SMARCA4: variants seen among roughly 807,000 people sequenced by gnomAD.
SMARCA4 encodes the protein SWI/SNF related BAF chromatin remodeling complex subunit ATPase 4.
In SMARCA4, 31 loss-of-function variants were observed where a neutral mutation model predicts 193.9. That is an observed-to-expected ratio of 0.16 (90% CI 0.12 to 0.22). SMARCA4 has a LOEUF of 0.22. Ranked by LOEUF, SMARCA4 falls within the 10% of genes least tolerant of loss-of-function variation. SMARCA4 has a pLI of 1.00. For synonymous variants in SMARCA4, 942 were observed against 933.1 expected, an observed-to-expected ratio of 1.01 and a Z score of -0.17; for missense variants, 1,148 against 2,296.0, an observed-to-expected ratio of 0.50 and a Z score of 10.22.
chr19:11,052,450 G>T (rs2076313922), intron 30 of SMARCA4, among the ~76,000 whole-genome samples: 1 of 152,200 alleles, frequency 6.6e-6, no homozygotes, highest in East Asian at 1.9e-4. Context: ...GCTCCAGGGG[G>T]TGTGAAGGAG....
At chr19:11,025,396 T>G (rs1185556886) in intron 21 of SMARCA4, 26 bp from the exon 22 acceptor site, 8 of 1,571,842 alleles carry the variant, frequency 5.1e-6, no homozygotes, top group Non-Finnish European at 7.0e-6. Context: ...AAGACCCCAT[T>G]TGGGTCCCTC....
At chr19:10,989,254 C>G (rs1402269110) in intron 6 of SMARCA4, 63 bp from the exon 7 acceptor site, 2 of 1,607,394 alleles carry the variant, frequency 1.2e-6, no homozygotes, top group African/African-American at 1.3e-5. Flanking sequence ...CCCTGCAGCT[C>G]CAGCTGTAAC....
chr19:11,054,063 C>T lies in SMARCA4; in HGVS notation c.4425-4192C>T, dbSNP rs1164775129. On this transcript the variant is annotated intron_variant, in intron 30 of 34. Transcript: ENST00000344626. ...TGTGAAACAGTGCTTGGCTTCTCTGCACAACAAGGAAACGTGTTTAGGGCC... is the reference window on the plus strand; with the variant it reads ...TGTGAAACAGTGCTTGGCTTCTCTGTACAACAAGGAAACGTGTTTAGGGCC... 3.3e-5 allele frequency among the ~76,000 whole-genome samples: 5 copies of T among 152,342 alleles called. No homozygotes were observed. In the East Asian group the frequency reaches 9.6e-4, roughly 29 times the overall value.
chr19:11,013,916 C>T (rs138715964), intron 16 of SMARCA4, among the ~76,000 whole-genome samples: 1 of 152,160 alleles, frequency 6.6e-6, no homozygotes, highest in African/African-American at 2.4e-5. Flanking sequence ...ACAGAGTCCG[C>T]CCCCCTGCCC....
intron 30 of SMARCA4, among the ~76,000 whole-genome samples, chr19:11,051,901 G>A (rs890246524): frequency 6.6e-6 from 1 of 152,086 alleles, no homozygotes. Flanking sequence ...TTCAAGACCA[G>A]CCTGACCAAG....
chr19:11,055,495 GT>G (rs963909174), intron 30 of SMARCA4, among the ~76,000 whole-genome samples: 7 of 148,976 alleles, frequency 4.7e-5, no homozygotes, highest in Admixed American at 6.7e-5. Flanking sequence ...GCCGCACCTT[GT>G]TTTTTTTTTG....
intron 25 of SMARCA4, chr19:11,032,608 A>C (rs2075001046): frequency 6.5e-6 from 1 of 152,762 alleles, no homozygotes; most frequent in South Asian, 2.1e-4. Flanking sequence ...CAGAGGTTGC[A>C]GTGAGCTGAG....
At chr19:11,027,610 G>C in intron 23 of SMARCA4, 174 bp from the exon 24 acceptor site, 1 of 727,834 alleles carries the variant, frequency 1.4e-6, no homozygotes, top group South Asian at 1.5e-5. Context: ...ATTTCAGTTG[G>C]GGGAAATGGC....
intron 1 of SMARCA4, among the ~76,000 whole-genome samples, chr19:10,976,567 G>A (rs1043075735): frequency 3.9e-5 from 6 of 152,002 alleles, no homozygotes; most frequent in Admixed American, 1.3e-4. Context: ...ACCAGCCTGG[G>A]CAACACGGCG....
chr19:11,061,786 C>T lies in SMARCA4; in HGVS notation c.4914C>T (p.Asp1638=), dbSNP rs1555797441. ...DDDSEEEQEE[D]RSGSGSEED Reference sequence around the variant, plus strand: ...CTCTCCTCCTGTCCCCTCTCCAGGACCGCTCAGGAAGTGGCAGCGAAGAAG... The same window carrying T: ...CTCTCCTCCTGTCCCCTCTCCAGGATCGCTCAGGAAGTGGCAGCGAAGAAG... The change falls in exon 35 of 35, where the codon GAC becomes GAT. Residue 1638 remains aspartate (D), a splice_region_variant and synonymous_variant. Coordinates refer to ENST00000344626, the MANE Select transcript of SMARCA4 (RefSeq NM_003072.5). The T allele has an allele frequency of 6.2e-7, 1 of 1,613,736 alleles. No homozygotes were observed. Among genetic ancestry groups the T allele is most frequent in the African/African-American group, 1.3e-5 (1 of 74,946 alleles).
At position 11,002,996 on chromosome 19, in the gene SMARCA4, A is replaced by G. The variant is rs544979448; in HGVS notation, c.1813-33A>G. On this transcript the variant is annotated intron_variant, in intron 11 of 34. Transcript: ENST00000344626. ...TAAGTGTTTGGTCTGGAGGCCCTGC[A>G]ACCTCAGTGTCACACGAATGACTCT... 1.4e-4 allele frequency: 231 copies of G among 1,613,620 alleles called. 1 individual carries two copies. In the South Asian group the frequency reaches 2.3e-3, roughly 16 times the overall value.
Position 11,058,675 on chromosome 19 carries a change from C to T in SMARCA4, c.4534-113C>T. On this transcript the variant is annotated intron_variant, in intron 31 of 34. Coordinates refer to ENST00000344626, the MANE Select transcript of SMARCA4 (RefSeq NM_003072.5). This position sits in a 1 kb window ranked among gnomAD's most constrained non-coding sequence, Gnocchi z 5.8. ...GTTACCGAGGCTGGCGCTTCGGCCA[C>T]ATCCTCATAGGCACGAGGAATCCTA... 2 of 916,300 alleles carry T rather than the reference C, an allele frequency of 2.2e-6. No individual in the cohort carries two copies. The highest frequency in any genetic ancestry group is 1.9e-5 in the Admixed American group (1 of 52,120). The allele number at this position is 916,300 out of a possible 1,614,324, so 56.8% of individuals were successfully genotyped here. A position where few individuals can be genotyped will look rare whatever the true frequency, so the allele number is the denominator to read the frequency against.
rs2146593759 is a variant in SMARCA4, at chr19:11,030,646, G to A, written c.3383-84G>A. 7.7e-7 allele frequency: 1 copy of A among 1,292,804 alleles called. No individual in the cohort carries two copies. The highest frequency in any genetic ancestry group is 1.1e-6 in the Non-Finnish European group (1 of 917,830). 80.1% of individuals were successfully genotyped at this position (1,292,804 alleles called of 1,614,324 possible). On this transcript the variant is annotated intron_variant, in intron 24 of 34. Transcript: ENST00000344626. The surrounding 1 kb of genome is among the most constrained non-coding windows in gnomAD (Gnocchi z 5.5). ...GCTGGCAGGTGCTGATCCTGCTCCTGCTCTCAGAAGCAGGTGTTCCTTGGT... is the reference window on the plus strand; with the variant it reads ...GCTGGCAGGTGCTGATCCTGCTCCTACTCTCAGAAGCAGGTGTTCCTTGGT...
At chr19:11,042,041 C>A (rs562955581) in intron 30 of SMARCA4, among the ~76,000 whole-genome samples, 1 of 152,178 alleles carries the variant, frequency 6.6e-6, no homozygotes, top group Non-Finnish European at 1.5e-5. Context: ...GCAGCCCTCT[C>A]CTGTCCTTGC....
At chr19:11,025,708 A>G in intron 22 of SMARCA4, 200 bp downstream of exon 22, 1 of 583,942 alleles carries the variant, frequency 1.7e-6, no homozygotes, top group Non-Finnish European at 3.2e-6. Context: ...AACGTGCGAT[A>G]GGAATATAGG....
At chr19:11,059,108 TTA>T in intron 32 of SMARCA4, 1 of 510,384 alleles carries the variant, frequency 2.0e-6, no homozygotes, top group Non-Finnish European at 3.5e-6. Context: ...GACCCTGTCT[TTA>T]AAAAAAAAAA....
In SMARCA4 at chr19:11,059,868, A is replaced by G. The variant is rs776882044; in HGVS notation, c.4751A>G (p.Glu1584Gly). ...GAGGAGGAGGAAGAGGGCGAGGAGGAAGGCTCCGAATCCGAATGTGAGTCC... is the reference window on the plus strand; with the variant it reads ...GAGGAGGAGGAAGAGGGCGAGGAGGGAGGCTCCGAATCCGAATGTGAGTCC... The part of the protein sequence containing the change: ...ESEEEEEGEE[E>G]GSESESRSVK... The change falls in exon 33 of 35, where the codon GAA (glutamate) becomes GGA (glycine). Residue 1584 changes from glutamate (E) to glycine (G), a missense_variant. Glu to Gly is a moderately conservative substitution (Grantham distance 98). Around this residue, in one of 17 missense-constraint regions of SMARCA4, gnomAD observed 105 missense variants for 133.7 expected, o/e 0.79. Coordinates refer to ENST00000344626, the MANE Select transcript of SMARCA4 (RefSeq NM_003072.5). 2 of 1,613,838 alleles carry G rather than the reference A, an allele frequency of 1.2e-6. No homozygotes were observed. The highest frequency in any genetic ancestry group is 2.2e-5 in the South Asian group (2 of 91,082).
chr19:11,018,556 C>T (rs1318107011), intron 16 of SMARCA4, among the ~76,000 whole-genome samples: 1 of 152,230 alleles, frequency 6.6e-6, no homozygotes, highest in Admixed American at 6.5e-5. Flanking sequence ...TTTGGTGTCT[C>T]CTATATCCTC....
intron 8 of SMARCA4, among the ~76,000 whole-genome samples, chr19:10,992,560 G>T (rs1336453701): frequency 6.6e-6 from 1 of 151,928 alleles, no homozygotes; most frequent in East Asian, 1.9e-4. Context: ...AAGTAGTTGG[G>T]ATTACAGATG....
Sources: gnomAD v4.1 joint callset for allele counts (sites outside exome capture counted in the v4.1 genomes callset) on GRCh38, gnomAD v4.1.1 for gene constraint, gnomAD v4.1.1 regional missense constraint, Gnocchi (gnomAD v3.1) non-coding constraint, MANE v1.5 for transcripts, NCBI Gene and HGNC (gene_info 2026-07-23, HGNC 2026-07-21) for gene names.